FUBP1: variants seen among roughly 807,000 people sequenced by gnomAD.
FUBP1 encodes the protein far upstream element binding protein 1.
Under a neutral mutation model 94.9 loss-of-function variants are expected in FUBP1, and 16 were observed. The ratio of observed to expected loss-of-function variants is 0.17; its 90% confidence interval spans 0.11 to 0.26. The LOEUF is 0.26. Ranked by LOEUF, FUBP1 falls within the 10% of genes least tolerant of loss-of-function variation. The pLI is 1.00. For missense variants in FUBP1, 583 were observed against 808.6 expected (o/e 0.72, Z 3.38); for synonymous variants, 279 against 254.9 (o/e 1.09, Z -0.90).
intron 18 of FUBP1, among the ~76,000 whole-genome samples, chr1:77,954,132 C>T (rs1455225949): frequency 6.6e-6 from 1 of 152,134 alleles, no homozygotes; most frequent in Admixed American, 6.5e-5. Flanking sequence ...GGCTCATGCT[C>T]AAGTCTTTTA....
chr1:77,964,862 A>T lies in FUBP1; in HGVS notation c.735+8T>A. The T allele has an allele frequency of 6.4e-7, 1 of 1,566,496 alleles. No individual in the cohort carries two copies. The highest frequency in any genetic ancestry group is 1.3e-5 in the African/African-American group (1 of 74,150). On this transcript the variant is annotated splice_region_variant and intron_variant, in intron 9 of 19. Transcript: ENST00000370768. Reference sequence around the variant, plus strand: ...CTCTTTCTTTATAAAGTATAAAGTTAAGTTTACTTGAACTTTATATGGGTC... The same window carrying T: ...CTCTTTCTTTATAAAGTATAAAGTTTAGTTTACTTGAACTTTATATGGGTC...
At chr1:77,956,805 C>A in intron 16 of FUBP1, 105 bp from the exon 17 acceptor site, 1 of 642,748 alleles carries the variant, frequency 1.6e-6, no homozygotes, top group Non-Finnish European at 2.5e-6. Context: ...ATACAGCCCC[C>A]AAAATTAACT....
At chr1:77,963,348 T>C (rs532334782) in intron 13 of FUBP1, among the ~76,000 whole-genome samples, 1 of 152,336 alleles carries the variant, frequency 6.6e-6, no homozygotes, top group Non-Finnish European at 1.5e-5. Context: ...AATAATTATC[T>C]CTTAGTTCGC....
rs776909944 is a variant in FUBP1, at chr1:77,965,123, A to C, written c.582T>G (p.Ala194=). 2 of 1,612,442 alleles carry C rather than the reference A, an allele frequency of 1.2e-6. No homozygotes were observed. Among genetic ancestry groups the C allele is most frequent in the East Asian group, 2.2e-5 (1 of 44,858 alleles). The change falls in exon 8 of 20, where the codon GCT becomes GCG. Residue 194 remains alanine, a synonymous_variant. Coordinates refer to ENST00000370768, the MANE Select transcript of FUBP1 (RefSeq NM_003902.5). ...GNAVQEIMIP[A]SKAGLVIGKG... ...TTCCAATGACTAATCCTGCCTTGCT[A>C]GCTGGAATCATGATTTCTTGAACTG...
intron 16 of FUBP1, among the ~76,000 whole-genome samples, chr1:77,957,523 C>A (rs1360157836): frequency 1.3e-5 from 2 of 152,150 alleles, no homozygotes; most frequent in Non-Finnish European, 2.9e-5. Flanking sequence ...CAGTTTGAGA[C>A]CTTTCAATCT....
chr1:77,968,215 AGT>A lies in FUBP1; in HGVS notation c.212-14_212-13del, dbSNP rs1656877770. ...AGCATCTGGTTGATCTGCAAAATTA[AGT>A]GTCTTTTAATTTTTTGCCAATTAAG... On this transcript the variant is annotated splice_polypyrimidine_tract_variant and intron_variant, in intron 2 of 19. Coordinates refer to ENST00000370768, the MANE Select transcript of FUBP1 (RefSeq NM_003902.5). The A allele has an allele frequency of 6.6e-7, 1 of 1,523,654 alleles. No homozygotes were observed. The highest frequency in any genetic ancestry group is 8.8e-7 in the Non-Finnish European group (1 of 1,134,216). 94.4% of individuals were successfully genotyped at this position (1,523,654 alleles called of 1,614,324 possible).
chr1:77,962,953 T>C (rs1655778148), intron 13 of FUBP1, 23 bp from the exon 14 acceptor site: 2 of 1,588,878 alleles, frequency 1.3e-6, no homozygotes, highest in African/African-American at 1.3e-5. Flanking sequence ...GACAGTAATT[T>C]CTCTAAAGGT....
At chr1:77,952,197 C>A (rs1653590124) in intron 18 of FUBP1, among the ~76,000 whole-genome samples, 1 of 151,896 alleles carries the variant, frequency 6.6e-6, no homozygotes, top group South Asian at 2.1e-4. Flanking sequence ...CGAGATCATG[C>A]CACTGCACTT....
At chr1:77,958,212 C>A (rs1197837524) in intron 16 of FUBP1, among the ~76,000 whole-genome samples, 1 of 152,172 alleles carries the variant, frequency 6.6e-6, no homozygotes, top group Non-Finnish European at 1.5e-5. Context: ...GAAAACCATA[C>A]CAAAAAACCA....
intron 17 of FUBP1, among the ~76,000 whole-genome samples, chr1:77,956,325 T>C (rs937204086): frequency 6.6e-5 from 10 of 152,216 alleles, no homozygotes; most frequent in African/African-American, 2.4e-4. Context: ...ATGTATGATA[T>C]AGATGGTAAC....
At position 77,947,489 on chromosome 1, in the gene FUBP1, A is replaced by G; in HGVS notation, c.*1277T>C. On this transcript the variant is annotated 3_prime_UTR_variant, in exon 20 of 20. Coordinates refer to ENST00000370768, the MANE Select transcript of FUBP1 (RefSeq NM_003902.5). ...CCTTGAAGGAACACAATCAAGGATG[A>G]TACACAGCACAGTCCTCCTCACCCC... The G allele has an allele frequency of 2.3e-6, 3 of 1,301,870 alleles. No homozygotes were observed. Among genetic ancestry groups the G allele is most frequent in the South Asian group, 1.2e-5 (1 of 80,488 alleles). 80.6% of individuals were successfully genotyped at this position (1,301,870 alleles called of 1,614,324 possible).
At chr1:77,971,535 G>A (rs1227481189) in intron 1 of FUBP1, among the ~76,000 whole-genome samples, 1 of 152,076 alleles carries the variant, frequency 6.6e-6, no homozygotes, top group Non-Finnish European at 1.5e-5. Flanking sequence ...TAAGATTATA[G>A]TTAAGTGCTT....
At chr1:77,960,057 A>C (rs889992456) in intron 16 of FUBP1, 127 bp downstream of exon 16, 1 of 694,404 alleles carries the variant, frequency 1.4e-6, no homozygotes, top group African/African-American at 1.8e-5. Context: ...GCAGTGCCTA[A>C]CACTGTTGAA....
rs866005795 is a variant in FUBP1 at position 77,964,932 on chromosome 1, C to T, written c.673G>A (p.Gly225Arg). Residue 225 changes from glycine (G) to arginine (R), a missense_variant, in exon 9 of 20, where the codon GGG becomes AGG. Gly to Arg is a moderately radical substitution (Grantham distance 125). Coordinates refer to ENST00000370768, the MANE Select transcript of FUBP1 (RefSeq NM_003902.5). ...TTGTCAGCACCAGTGTTCTGCGGCCCGTCTTGAATCATAACCATTTTAACT... is the reference window on the plus strand; with the variant it reads ...TTGTCAGCACCAGTGTTCTGCGGCCTGTCTTGAATCATAACCATTTTAACT... ...AGVKMVMIQD[G>R]PQNTGADKPL... is the part of the protein sequence containing the mutation. 3 of 1,612,602 alleles carry T rather than the reference C, an allele frequency of 1.9e-6. No homozygotes were observed. The highest frequency in any genetic ancestry group is 2.5e-6 in the Non-Finnish European group (3 of 1,178,684).
Position 77,945,684 on chromosome 1 carries a change from T to C in FUBP1, c.*3082A>G. 4.7e-6 allele frequency: 1 copy of C among 211,836 alleles called. No individual in the cohort carries two copies. Among genetic ancestry groups the C allele is most frequent in the East Asian group, 7.1e-5 (1 of 14,082 alleles). The allele number at this position is 211,836 out of a possible 1,614,324, so 13.1% of individuals were successfully genotyped here. A position where few individuals can be genotyped will look rare whatever the true frequency, so the allele number is the denominator to read the frequency against. On this transcript the variant is annotated 3_prime_UTR_variant, in exon 20 of 20. Coordinates refer to ENST00000370768, the MANE Select transcript of FUBP1 (RefSeq NM_003902.5). ...AGGCAGTATTTTTGAATATTTTTCT[T>C]TGTTGCAGAGATAAGCAGGAGTTTT...
At chr1:77,973,112 GTTAAT>G (rs1657906355) in intron 1 of FUBP1, among the ~76,000 whole-genome samples, 1 of 151,994 alleles carries the variant, frequency 6.6e-6, no homozygotes, top group East Asian at 1.9e-4. Context: ...TACAAGGATA[GTTAAT>G]TTAAGAAAAA....
chr1:77,956,177 T>G (rs1654427999), intron 17 of FUBP1, among the ~76,000 whole-genome samples: 1 of 152,206 alleles, frequency 6.6e-6, no homozygotes, highest in Admixed American at 6.5e-5. Context: ...TGGTTATGTA[T>G]TTTTGAAGAA....
chr1:77,953,134 AAAC>A (rs754776968), intron 18 of FUBP1, among the ~76,000 whole-genome samples: 5 of 152,082 alleles, frequency 3.3e-5, no homozygotes, highest in South Asian at 2.1e-4. Flanking sequence ...GTCTTAAAAA[AAAC>A]AACAACAACG....
At chr1:77,968,092 C>T in intron 3 of FUBP1, 73 bp downstream of exon 3, 1 of 948,464 alleles carries the variant, frequency 1.1e-6, no homozygotes. Context: ...CAAAGATACC[C>T]AATAATATGA....
Sources: allele counts gnomAD v4.1 joint callset (sites outside exome capture counted in the v4.1 genomes callset), GRCh38; gene constraint gnomAD v4.1.1; transcripts MANE v1.5; gene names NCBI Gene and HGNC (gene_info 2026-07-23, HGNC 2026-07-21).